The following PCNX2 variants were observed in gnomAD, a reference collection of about 807,000 sequenced individuals.
PCNX2 encodes the protein pecanex 2.
A neutral mutation model predicts 223.8 loss-of-function variants in PCNX2; 168 were observed. The observed-to-expected ratio is 0.75, with a 90% confidence interval of 0.66 to 0.85. The LOEUF (loss-of-function observed/expected upper bound fraction) is 0.85, where lower values mean the gene tolerates loss of function less well. Ranked by LOEUF, PCNX2 falls within the 40% of genes least tolerant of loss-of-function variation. The pLI is 0.00. For missense variants in PCNX2, 2,507 were observed against 2,675.5 expected (o/e 0.94, Z 1.39); for synonymous variants, 1,006 against 1,052.6 (o/e 0.96, Z 0.86).
At chr1:233,154,698 G>A (rs1190933543) in intron 19 of PCNX2, among the ~76,000 whole-genome samples, 1 of 152,178 alleles carries the variant, frequency 6.6e-6, no homozygotes, top group African/African-American at 2.4e-5. Context: ...TTTAAGCAAT[G>A]ATACATGAAA....
intron 9 of PCNX2, among the ~76,000 whole-genome samples, chr1:233,227,942 T>G (rs1657844063): frequency 6.6e-6 from 1 of 152,046 alleles, no homozygotes; most frequent in South Asian, 2.1e-4. Context: ...CTAATTCATC[T>G]CTTATTAGCT....
At chr1:233,086,107 T>C (rs1157143619) in intron 23 of PCNX2, among the ~76,000 whole-genome samples, 2 of 152,222 alleles carry the variant, frequency 1.3e-5, no homozygotes, top group African/African-American at 4.8e-5. Flanking sequence ...AGAGTTGCCA[T>C]TTAAGTTGGG....
chr1:233,303,057 CCTTT>C, the PCNX2 span, among the ~76,000 whole-genome samples: 1 of 152,078 alleles, frequency 6.6e-6, no homozygotes, highest in Middle Eastern at 3.4e-3. Context: ...TTTTTGTCTG[CCTTT>C]CTATCAGTTA....
At chr1:233,227,466 A>G in intron 9 of PCNX2, 95 bp from the exon 10 acceptor site, 1 of 1,077,908 alleles carries the variant, frequency 9.3e-7, no homozygotes, top group East Asian at 2.8e-5. Context: ...ACACACACAT[A>G]TATATGTACA....
At position 233,208,704 on chromosome 1, in the gene PCNX2, C is replaced by T; in HGVS notation, c.2692-15G>A. 6.2e-7 allele frequency: 1 copy of T among 1,603,596 alleles called. No homozygotes were observed. Among genetic ancestry groups the T allele is most frequent in the Non-Finnish European group, 8.5e-7 (1 of 1,173,728 alleles). Reference sequence around the variant, plus strand: ...TGGTTGTGTCCCTAGAAAACAAACACAATTTCTGAATGGTACCTCTTATTT... The same window carrying T: ...TGGTTGTGTCCCTAGAAAACAAACATAATTTCTGAATGGTACCTCTTATTT... On this transcript the variant is annotated splice_polypyrimidine_tract_variant and intron_variant, in intron 12 of 33. Transcript: ENST00000258229.
At chr1:233,038,081 ATTC>A (rs1291328506) in intron 25 of PCNX2, among the ~76,000 whole-genome samples, 2 of 152,206 alleles carry the variant, frequency 1.3e-5, no homozygotes, top group African/African-American at 2.4e-5. Flanking sequence ...TAAAATCAGT[ATTC>A]TTCTTTTATC....
intron 19 of PCNX2, among the ~76,000 whole-genome samples, chr1:233,141,276 G>A (rs1347360471): frequency 6.6e-6 from 1 of 152,146 alleles, no homozygotes; most frequent in East Asian, 1.9e-4. Context: ...CACACAAATA[G>A]AAACTATTTT....
In PCNX2 at chr1:232,991,949, CAGA is replaced by C. The variant is rs1321327888; in HGVS notation, c.5792-5412_5792-5410del. ...ATTCTGAGCTGAAGCCATCATTCAA[CAGA>C]AGAACAACGTGAACTGATTTAAGTT... On this transcript the variant is annotated intron_variant, in intron 32 of 33. Transcript: ENST00000258229. This position sits in a 1 kb window ranked among gnomAD's most constrained non-coding sequence, Gnocchi z 4.3. Among the ~76,000 whole-genome samples, 1 of 152,208 alleles carries C rather than the reference CAGA, an allele frequency of 6.6e-6. No individual in the cohort carries two copies. The highest frequency in any genetic ancestry group is 1.5e-5 in the Non-Finnish European group (1 of 68,034).
the PCNX2 span, among the ~76,000 whole-genome samples, chr1:233,312,232 G>T: frequency 1.3e-5 from 2 of 151,996 alleles, no homozygotes; most frequent in African/African-American, 4.8e-5. Context: ...AAGGGCAAAG[G>T]ACAAATAGGC....
rs1669352586 is a variant in PCNX2, at chr1:232,983,861, G to A, written c.*443C>T. 1 of 153,776 alleles carries A rather than the reference G, an allele frequency of 6.5e-6. No homozygotes were observed. The highest frequency in any genetic ancestry group is 2.4e-5 in the African/African-American group (1 of 41,544). The allele number at this position is 153,776 out of a possible 1,614,324, so 9.5% of individuals were successfully genotyped here. A position where few individuals can be genotyped will look rare whatever the true frequency, so the allele number is the denominator to read the frequency against. On this transcript the variant is annotated 3_prime_UTR_variant, in exon 34 of 34. Transcript: ENST00000258229. ...ATTTCTTTTTCATGGTAACAGTAATGTATAAAGTGCCGATGATGTAACATG... is the reference window on the plus strand; with the variant it reads ...ATTTCTTTTTCATGGTAACAGTAATATATAAAGTGCCGATGATGTAACATG...
chr1:233,074,727 A>C (rs1673018674), intron 23 of PCNX2, among the ~76,000 whole-genome samples: 1 of 152,106 alleles, frequency 6.6e-6, no homozygotes, highest in African/African-American at 2.4e-5. Context: ...AAAATTCAAC[A>C]GTAGAAAAAA....
At chr1:232,985,618 G>C (rs1469061462) in intron 33 of PCNX2, 1 of 291,994 alleles carries the variant, frequency 3.4e-6, no homozygotes, top group African/African-American at 2.2e-5. Flanking sequence ...TCCTTGTCTA[G>C]TATTTAAATA....
In PCNX2 at chr1:233,139,824, G is replaced by A. The variant is rs556545897; in HGVS notation, c.3549C>T (p.Leu1183=). 6.2e-7 allele frequency: 1 copy of A among 1,613,432 alleles called. No homozygotes were observed. Among genetic ancestry groups the A allele is most frequent in the Non-Finnish European group, 8.5e-7 (1 of 1,179,722 alleles). Reference sequence around the variant, plus strand: ...TTTCAAAACACTGAAGCCAAACATAGAGTCTTTCGAACCACATTAAATGGG... The same window carrying A: ...TTTCAAAACACTGAAGCCAAACATAAAGTCTTTCGAACCACATTAAATGGG... The part of the protein sequence containing the change: ...DVAHLMWFER[L]YVWLQCFEKY... The change falls in exon 20 of 34, where the codon CTC becomes CTT. Residue 1183 remains leucine (L), a synonymous_variant. Coordinates refer to ENST00000258229, the MANE Select transcript of PCNX2 (RefSeq NM_014801.4). The surrounding 1 kb of genome is among the most constrained non-coding windows in gnomAD (Gnocchi z 4.4).
intron 26 of PCNX2, among the ~76,000 whole-genome samples, chr1:233,023,276 T>G (rs1026667795): frequency 3.9e-5 from 6 of 152,244 alleles, no homozygotes; most frequent in Admixed American, 6.5e-5. Context: ...TTCTCCTTCT[T>G]CTGTGAACAC....
intron 19 of PCNX2, among the ~76,000 whole-genome samples, chr1:233,157,412 A>G (rs1678195450): frequency 6.6e-6 from 1 of 152,216 alleles, no homozygotes; most frequent in Non-Finnish European, 1.5e-5. Flanking sequence ...CATATGCCTT[A>G]TCTTACTGTT....
chr1:233,020,947 A>T (rs1196393999), intron 26 of PCNX2, among the ~76,000 whole-genome samples: 2 of 152,230 alleles, frequency 1.3e-5, no homozygotes, highest in Admixed American at 6.5e-5. Flanking sequence ...AGAAAATAAT[A>T]AACAGAATGA....
chr1:233,129,963 C>G (rs57499406), intron 21 of PCNX2, among the ~76,000 whole-genome samples: 1 of 152,136 alleles, frequency 6.6e-6, no homozygotes, highest in African/African-American at 2.4e-5. Flanking sequence ...GCTCACTGTT[C>G]GGGTCCACAC....
chr1:233,221,414 G>A (rs1279965337), intron 10 of PCNX2, among the ~76,000 whole-genome samples: 1 of 151,814 alleles, frequency 6.6e-6, no homozygotes, highest in Admixed American at 6.6e-5. Flanking sequence ...GTTTGGGGAG[G>A]GCAAAGAATA....
At chr1:233,312,296 G>A in the PCNX2 span, among the ~76,000 whole-genome samples, 9 of 152,064 alleles carry the variant, frequency 5.9e-5, no homozygotes, top group African/African-American at 9.7e-5. Context: ...TATAAACATC[G>A]TAAGAGAATA....
Sources: gnomAD v4.1 joint callset for allele counts (sites outside exome capture counted in the v4.1 genomes callset) on GRCh38, gnomAD v4.1.1 for gene constraint, Gnocchi (gnomAD v3.1) non-coding constraint, MANE v1.5 for transcripts, NCBI Gene and HGNC (gene_info 2026-07-23, HGNC 2026-07-21) for gene names.